KDM1A: variants seen among roughly 807,000 people sequenced by gnomAD.
KDM1A encodes the protein lysine demethylase 1A.
Under a neutral mutation model 109.4 loss-of-function variants are expected in KDM1A, and 49 were observed. The ratio of observed to expected loss-of-function variants is 0.45; its 90% confidence interval spans 0.36 to 0.57. KDM1A has a LOEUF of 0.57. KDM1A is among the 20% of genes least tolerant of loss of function. The probability of loss-of-function intolerance (pLI) is 0.00; values close to 1 mark genes in which losing one functional copy is unlikely to be tolerated. For missense variants in KDM1A, 668 were observed against 1,116.6 expected (o/e 0.60, Z 5.73); for synonymous variants, 380 against 415.4 (o/e 0.91, Z 1.04).
At position 23,055,069 on chromosome 1, in the gene KDM1A, G is replaced by A. The variant is rs1232495819; in HGVS notation, c.791G>A (p.Ser264Asn). 1 of 1,593,568 alleles carries A rather than the reference G, an allele frequency of 6.3e-7. No homozygotes were observed. Among genetic ancestry groups the A allele is most frequent in the African/African-American group, 1.4e-5 (1 of 74,044 alleles). Reference sequence around the variant, plus strand: ...TGTTTTTAATCCACTTATTCTGTAGGTGATACTGTGCTTGTCCACCGAGTT... The same window carrying A: ...TGTTTTTAATCCACTTATTCTGTAGATGATACTGTGCTTGTCCACCGAGTT... ...TLQQLEAPYNSDTVLVHRVHS... is the reference protein window; with the variant it reads ...TLQQLEAPYNNDTVLVHRVHS... Residue 264 changes from serine to asparagine, a missense_variant and splice_region_variant, in exon 6 of 21, where the codon AGT becomes AAT. Physicochemically the swap from Ser to Asn is conservative, Grantham distance 46. Coordinates refer to ENST00000400181, the MANE Select transcript of KDM1A (RefSeq NM_001009999.3).
In KDM1A at chr1:23,019,953, G is replaced by A; in HGVS notation, c.351+6G>A. ...GCCGGCGCAAGCGGGCGAAGGTAAG[G>A]CTCGACCCTTCCCTCAAACGACACC... On this transcript the variant is annotated splice_donor_region_variant and intron_variant, in intron 1 of 20. Coordinates refer to ENST00000400181, the MANE Select transcript of KDM1A (RefSeq NM_001009999.3). The A allele has an allele frequency of 6.5e-7, 1 of 1,539,572 alleles. No homozygotes were observed.
chr1:23,067,425 CTG>C (rs1643189857), intron 10 of KDM1A, among the ~76,000 whole-genome samples: 1 of 152,142 alleles, frequency 6.6e-6, no homozygotes, highest in African/African-American at 2.4e-5. Flanking sequence ...TCAAAATCGT[CTG>C]TTGGGTTGGG....
chr1:23,044,499 T>C lies in KDM1A; in HGVS notation c.577+13T>C. ...GGCCAAGCATCAGGTGAGGGTGGCA[T>C]TAGATGCTTGCCACTTAGTAGCAAG... On this transcript the variant is annotated intron_variant, in intron 3 of 20. Transcript: ENST00000400181. 6.3e-7 allele frequency: 1 copy of C among 1,595,198 alleles called. No homozygotes were observed. The highest frequency in any genetic ancestry group is 1.3e-5 in the African/African-American group (1 of 74,130).
intron 2 of KDM1A, 141 bp downstream of exon 2, chr1:23,030,775 C>G: frequency 1.2e-6 from 1 of 834,158 alleles, no homozygotes. Context: ...CCATGTGTGT[C>G]TTTGTGTGTG....
chr1:23,079,407 A>G lies in KDM1A; in HGVS notation c.2056-146A>G. 1.4e-6 allele frequency: 1 copy of G among 717,610 alleles called. No individual in the cohort carries two copies. 44.5% of individuals were successfully genotyped at this position (717,610 alleles called of 1,614,324 possible). On this transcript the variant is annotated intron_variant, in intron 17 of 20. Transcript: ENST00000400181. This position sits in a 1 kb window ranked among gnomAD's most constrained non-coding sequence, Gnocchi z 5.6. ...GGTCATTTCACAAACTCAGGCCTAT[A>G]AAAAGGGGATCGTAAATGTCATCCT... is the stretch of plus-strand genomic sequence containing the variant.
chr1:23,069,931 A>G (rs1446612421), intron 12 of KDM1A, among the ~76,000 whole-genome samples: 1 of 152,126 alleles, frequency 6.6e-6, no homozygotes, highest in African/African-American at 2.4e-5. Flanking sequence ...TATAGTGCAT[A>G]CTCTGGGTGT....
intron 8 of KDM1A, chr1:23,057,817 T>TTTTG (rs1642878765): frequency 3.5e-6 from 1 of 284,018 alleles, no homozygotes; most frequent in South Asian, 4.8e-5. Context: ...TTTTTTTTTT[T>TTTTG]TTGTGAGACA....
intron 2 of KDM1A, among the ~76,000 whole-genome samples, chr1:23,037,296 C>A (rs1197673919): frequency 1.7e-4 from 24 of 145,344 alleles, no homozygotes; most frequent in African/African-American, 5.1e-4. Flanking sequence ...AGAGTGAGAC[C>A]CTGTCTCAAA....
At chr1:23,070,928 T>C (rs1386247600) in intron 12 of KDM1A, among the ~76,000 whole-genome samples, 1 of 152,244 alleles carries the variant, frequency 6.6e-6, no homozygotes, top group Non-Finnish European at 1.5e-5. Context: ...GTTTTTTCTT[T>C]GTTTGTTTAA....
intron 7 of KDM1A, 53 bp downstream of exon 7, chr1:23,056,091 C>T: frequency 1.7e-6 from 2 of 1,173,306 alleles, no homozygotes; most frequent in Non-Finnish European, 2.6e-6. Flanking sequence ...ATATGGTAAG[C>T]AAATTATCTG....
At position 23,083,523 on chromosome 1, in the gene KDM1A, TTGAA is replaced by T. The variant is rs1264299235; in HGVS notation, c.*163_*166del. 8 of 629,856 alleles carry T rather than the reference TTGAA, an allele frequency of 1.3e-5. No individual in the cohort carries two copies. Among genetic ancestry groups the T allele is most frequent in the Non-Finnish European group, 1.8e-5 (7 of 378,506 alleles). The allele number at this position is 629,856 out of a possible 1,614,324, so 39.0% of individuals were successfully genotyped here. A position where few individuals can be genotyped will look rare whatever the true frequency, so the allele number is the denominator to read the frequency against. On this transcript the variant is annotated 3_prime_UTR_variant, in exon 21 of 21. Transcript: ENST00000400181. ...GATTTGACAAAGGAGCTTGCCTCCT[TTGAA>T]TGACCTAGAGCACAGGGAGGAACTT...
intron 16 of KDM1A, among the ~76,000 whole-genome samples, chr1:23,078,533 A>G (rs1051407134): frequency 1.3e-5 from 2 of 152,208 alleles, no homozygotes; most frequent in Non-Finnish European, 1.5e-5. Flanking sequence ...CACGCTCCAC[A>G]GTTTTAGGCT....
In KDM1A at chr1:23,079,156, G is replaced by A; in HGVS notation, c.2034G>A (p.Met678Ile). The change falls in exon 17 of 21, where the codon ATG (methionine) becomes ATA (isoleucine). Residue 678 changes from methionine to isoleucine, a missense_variant. Met to Ile is a conservative substitution (Grantham distance 10, BLOSUM62 1). Transcript: ENST00000400181. This position sits in a 1 kb window ranked among gnomAD's most constrained non-coding sequence, Gnocchi z 5.6. ...GGAAAACATCTGCAGTCCAAAGGAT[G>A]GGATTTGGCAACCTTAACAAGGTAG... ...PEWKTSAVQRMGFGNLNKVVL... is the reference protein window; with the variant it reads ...PEWKTSAVQRIGFGNLNKVVL... The A allele has an allele frequency of 6.2e-7, 1 of 1,614,134 alleles. No homozygotes were observed. Among genetic ancestry groups the A allele is most frequent in the Admixed American group, 1.7e-5 (1 of 60,002 alleles).
chr1:23,080,951 T>A (rs1169002194), intron 18 of KDM1A: 1 of 152,906 alleles, frequency 6.5e-6, no homozygotes, highest in African/African-American at 2.4e-5. Flanking sequence ...TCATATTTTT[T>A]ATCCCCCTTT....
In KDM1A at chr1:23,082,200, G is replaced by A. The variant is rs776454841; in HGVS notation, c.2299-20G>A. ...TGCTTGGTGTCTCGTAATGACTTTTGCTCCTGGTTTTTCTTTTAGCCCAAA... is the reference window on the plus strand; with the variant it reads ...TGCTTGGTGTCTCGTAATGACTTTTACTCCTGGTTTTTCTTTTAGCCCAAA... On this transcript the variant is annotated intron_variant, in intron 19 of 20. Coordinates refer to ENST00000400181, the MANE Select transcript of KDM1A (RefSeq NM_001009999.3). 3.7e-6 allele frequency: 6 copies of A among 1,611,304 alleles called. No individual in the cohort carries two copies. Among genetic ancestry groups the A allele is most frequent in the Non-Finnish European group, 5.1e-6 (6 of 1,178,826 alleles).
chr1:23,055,061 T>C lies in KDM1A; in HGVS notation c.791-8T>C, dbSNP rs368796230. ...TAAAACCGTGTTTTTAATCCACTTA[T>C]TCTGTAGGTGATACTGTGCTTGTCC... On this transcript the variant is annotated splice_region_variant and splice_polypyrimidine_tract_variant and intron_variant, in intron 5 of 20. Coordinates refer to ENST00000400181, the MANE Select transcript of KDM1A (RefSeq NM_001009999.3). The C allele has an allele frequency of 1.3e-5, 21 of 1,564,752 alleles. No individual in the cohort carries two copies. Among genetic ancestry groups the C allele is most frequent in the African/African-American group, 1.2e-4 (9 of 73,144 alleles).
intron 4 of KDM1A, 122 bp from the exon 5 acceptor site, chr1:23,053,639 G>C (rs948667007): frequency 2.1e-4 from 147 of 685,470 alleles, no homozygotes; most frequent in Middle Eastern, 7.7e-4. Flanking sequence ...TTCCACCTCA[G>C]CCTCCCAAAC....
chr1:23,027,900 C>G, intron 1 of KDM1A, among the ~76,000 whole-genome samples: 1 of 152,036 alleles, frequency 6.6e-6, no homozygotes, highest in Admixed American at 6.5e-5. Flanking sequence ...ATGTGTAATA[C>G]ATTTAAAAAA....
rs779884800 is a variant in KDM1A, at chr1:23,082,224, A to G, written c.2303A>G (p.Lys768Arg). Residue 768 changes from lysine (K) to arginine (R), a missense_variant, in exon 20 of 21, where the codon AAA (lysine) becomes AGA (arginine). Physicochemically the swap from Lys to Arg is conservative, Grantham distance 26. Around this residue, in one of 8 missense-constraint regions of KDM1A, gnomAD observed 162 missense variants for 376.4 expected, o/e 0.43. Transcript: ENST00000400181. ...TGCTCCTGGTTTTTCTTTTAGCCCA[A>G]AGAAACTGTGGTGTCTCGTTGGCGT... ...IFGSSAVPQP[K>R]ETVVSRWRAD... The G allele has an allele frequency of 3.7e-6, 6 of 1,612,734 alleles. No individual in the cohort carries two copies. In the South Asian group the frequency reaches 5.5e-5, roughly 15 times the overall value.
Sources: gnomAD v4.1 joint callset for allele counts (sites outside exome capture counted in the v4.1 genomes callset) on GRCh38, gnomAD v4.1.1 for gene constraint, gnomAD v4.1.1 regional missense constraint, Gnocchi (gnomAD v3.1) non-coding constraint, MANE v1.5 for transcripts, NCBI Gene and HGNC (gene_info 2026-07-23, HGNC 2026-07-21) for gene names.